MRPS18C: variants seen among roughly 807,000 people sequenced by gnomAD.
MRPS18C encodes the protein small ribosomal subunit protein bS18m.
MRPS18C carries 21 observed loss-of-function variants against 21.0 expected under a neutral mutation model. That is an observed-to-expected ratio of 1.00 (90% CI 0.71 to 1.44). The LOEUF is 1.44. Ranked by LOEUF, MRPS18C falls within the 40% of genes most tolerant of loss-of-function variation. The pLI, the probability that MRPS18C is intolerant of heterozygous loss-of-function variation, is 0.00. For synonymous variants in MRPS18C, 65 were observed against 54.3 expected (o/e 1.20, Z -0.87); for missense variants, 152 against 171.5 (o/e 0.89, Z 0.64).
At chr4:83,459,534 TTTAA>T (rs1395604061) in intron 3 of MRPS18C, 1 of 479,480 alleles carries the variant, frequency 2.1e-6, no homozygotes, top group East Asian at 3.6e-5. Context: ...TAATCTGCTG[TTTAA>T]TTATATATAG....
chr4:83,458,420 G>T lies in MRPS18C; in HGVS notation c.225G>T (p.Lys75Asn). 1 of 1,586,472 alleles carries T rather than the reference G, an allele frequency of 6.3e-7. No homozygotes were observed. Among genetic ancestry groups the T allele is most frequent in the Non-Finnish European group, 8.6e-7 (1 of 1,157,408 alleles). Residue 75 changes from lysine (K) to asparagine (N), a missense_variant, in exon 3 of 6, where the codon AAG becomes AAT. Transcript: ENST00000295491. ...TGTGTGGAAAGCATGTAGATTATAA[G>T]AATGTACAGGTGAGATCTGGTTTTA... Reference protein sequence around the residue: ...CILCGKHVDYKNVQLLSQFVS... With the variant: ...CILCGKHVDYNNVQLLSQFVS...
At chr4:83,457,203 T>G (rs1721877625) in intron 2 of MRPS18C, 4 of 368,362 alleles carry the variant, frequency 1.1e-5, no homozygotes, top group Non-Finnish European at 1.4e-5. Flanking sequence ...AAAGCTGCTA[T>G]AATACCATAT....
intron 3 of MRPS18C, chr4:83,458,646 G>GT (rs11397235): frequency 0.058 from 23,778 of 407,194 alleles, 5,072 homozygotes; most frequent in African/African-American, 0.46. Context: ...TTTCCACTCT[G>GT]TTTTTTTCAC....
chr4:83,461,237 A>G lies in MRPS18C; in HGVS notation c.*40A>G. On this transcript the variant is annotated 3_prime_UTR_variant, in exon 6 of 6. Coordinates refer to ENST00000295491, the MANE Select transcript of MRPS18C (RefSeq NM_016067.4). The stretch of plus-strand genomic sequence containing the variant: ...CCACTAATAAACTTATTTTACAGTA[A>G]GTGGTTGTATGATGCCAATACTGAC... The G allele has an allele frequency of 6.3e-7, 1 of 1,579,388 alleles. No homozygotes were observed. Among genetic ancestry groups the G allele is most frequent in the East Asian group, 2.2e-5 (1 of 44,648 alleles).
At chr4:83,456,357 A>T (rs1235804773) in intron 1 of MRPS18C, among the ~76,000 whole-genome samples, 180 bp downstream of exon 1, 1 of 152,106 alleles carries the variant, frequency 6.6e-6, no homozygotes, top group Admixed American at 6.6e-5. Context: ...CCACTCCTTT[A>T]AAGTATTTAA....
intron 3 of MRPS18C, chr4:83,459,504 C>A: frequency 2.6e-6 from 1 of 380,878 alleles, no homozygotes; most frequent in South Asian, 4.9e-5. Flanking sequence ...ACAGATTTAC[C>A]ATTGAATGAA....
intron 2 of MRPS18C, chr4:83,457,560 G>A (rs1337996695): frequency 1.3e-5 from 2 of 152,272 alleles, no homozygotes; most frequent in African/African-American, 2.4e-5. Context: ...TAGTTTCTCT[G>A]AGCATCTGTC....
At chr4:83,456,401 C>G (rs902913037) in intron 1 of MRPS18C, among the ~76,000 whole-genome samples, 3 of 152,122 alleles carry the variant, frequency 2.0e-5, no homozygotes, top group Non-Finnish European at 1.5e-5. Context: ...TCTTAAAAAG[C>G]AGAGACTTTC....
chr4:83,457,196 G>A, intron 2 of MRPS18C: 1 of 394,804 alleles, frequency 2.5e-6, no homozygotes, highest in Non-Finnish European at 4.5e-6. Context: ...TAGAAGCAAA[G>A]CTGCTATAAT....
rs1722136944 is a variant in MRPS18C, at chr4:83,462,036, T to C, written c.*839T>C. 4.4e-6 allele frequency: 1 copy of C among 229,240 alleles called. No homozygotes were observed. Among genetic ancestry groups the C allele is most frequent in the Admixed American group, 5.7e-5 (1 of 17,656 alleles). 14.2% of individuals were successfully genotyped at this position (229,240 alleles called of 1,614,324 possible). ...TTCATATAAATTTCTTTCCATATTT[T>C]GAAAATAAGGCTATTCTTGCTTTTC... On this transcript the variant is annotated 3_prime_UTR_variant, in exon 6 of 6. Coordinates refer to ENST00000295491, the MANE Select transcript of MRPS18C (RefSeq NM_016067.4).
intron 3 of MRPS18C, 63 bp downstream of exon 3, chr4:83,458,492 G>A: frequency 7.8e-7 from 1 of 1,280,550 alleles, no homozygotes; most frequent in Non-Finnish European, 1.1e-6. Context: ...TGCTTAAAGA[G>A]AATCAAGTCA....
At chr4:83,458,461 G>C (rs1721947920) in intron 3 of MRPS18C, 32 bp downstream of exon 3, 1 of 1,500,850 alleles carries the variant, frequency 6.7e-7, no homozygotes, top group Non-Finnish European at 9.1e-7. Context: ...CTATATTTTA[G>C]GGTTTTGCTT....
chr4:83,456,615 A>G (rs566520235), intron 1 of MRPS18C, among the ~76,000 whole-genome samples: 14 of 152,220 alleles, frequency 9.2e-5, no homozygotes, highest in Non-Finnish European at 1.3e-4. Context: ...TGCTTCTCCT[A>G]TAAGAATTTG....
intron 2 of MRPS18C, 113 bp downstream of exon 2, chr4:83,457,071 A>C: frequency 1.2e-6 from 1 of 853,290 alleles, no homozygotes; most frequent in South Asian, 1.6e-5. Flanking sequence ...AGCTACTTGA[A>C]TAGAGTTCTG....
At position 83,461,678 on chromosome 4, in the gene MRPS18C, C is replaced by A; in HGVS notation, c.*481C>A. 1 of 255,500 alleles carries A rather than the reference C, an allele frequency of 3.9e-6. No homozygotes were observed. The highest frequency in any genetic ancestry group is 7.7e-6 in the Non-Finnish European group (1 of 130,182). The allele number at this position is 255,500 out of a possible 1,614,324, so 15.8% of individuals were successfully genotyped here. A position where few individuals can be genotyped will look rare whatever the true frequency, so the allele number is the denominator to read the frequency against. Reference sequence around the variant, plus strand: ...CCTAATAGACATTGAATATGATAGACATACATGTATATATGTATCAGTTCT... The same window carrying A: ...CCTAATAGACATTGAATATGATAGAAATACATGTATATATGTATCAGTTCT... On this transcript the variant is annotated 3_prime_UTR_variant, in exon 6 of 6. Coordinates refer to ENST00000295491, the MANE Select transcript of MRPS18C (RefSeq NM_016067.4).
chr4:83,460,707 C>G, intron 4 of MRPS18C: 1 of 364,496 alleles, frequency 2.7e-6, no homozygotes, highest in Non-Finnish European at 5.1e-6. Flanking sequence ...AGTTCAGGAC[C>G]AGCCTGGCCA....
intron 2 of MRPS18C, chr4:83,457,181 T>C (rs931503200): frequency 4.8e-6 from 2 of 418,954 alleles, no homozygotes; most frequent in Admixed American, 8.7e-5. Context: ...GGGGAATTCC[T>C]AGATTAGAAG....
At chr4:83,459,585 CAGG>C (rs1420923866) in intron 3 of MRPS18C, 152 bp from the exon 4 acceptor site, 11 of 618,966 alleles carry the variant, frequency 1.8e-5, no homozygotes, top group East Asian at 2.9e-5. Flanking sequence ...TAAAAGGTAA[CAGG>C]AGGATAACAA....
chr4:83,456,231 T>C, intron 1 of MRPS18C, 54 bp downstream of exon 1: 1 of 1,327,564 alleles, frequency 7.5e-7, no homozygotes, highest in Non-Finnish European at 1.1e-6. Flanking sequence ...TTAACCTTAG[T>C]CCTAATGGTT....
Sources: gnomAD v4.1 joint callset for allele counts (sites outside exome capture counted in the v4.1 genomes callset) on GRCh38, gnomAD v4.1.1 for gene constraint, MANE v1.5 for transcripts, NCBI Gene and HGNC (gene_info 2026-07-23, HGNC 2026-07-21) for gene names.